Variants in CABLES1 observed in about 807,000 individuals in gnomAD.
The protein encoded by CABLES1 is Cdk5 and Abl enzyme substrate 1.
Under a neutral mutation model 57.8 loss-of-function variants are expected in CABLES1, and 36 were observed. The observed-to-expected ratio is 0.62, with a 90% CI of 0.48 to 0.82. The LOEUF is 0.82. CABLES1 is among the 40% of genes least tolerant of loss of function. The pLI is 0.00. For missense variants in CABLES1, 767 were observed against 836.6 expected, an observed-to-expected ratio of 0.92 and a Z score of 1.03; for synonymous variants, 374 against 363.0, an observed-to-expected ratio of 1.03 and a Z score of -0.35.
intron 4 of CABLES1, among the ~76,000 whole-genome samples, chr18:23,231,533 C>T (rs1598842881): frequency 6.6e-6 from 1 of 152,100 alleles, no homozygotes; most frequent in African/African-American, 2.4e-5. Flanking sequence ...AGTAGAATGA[C>T]GTAAGTAGAA....
In CABLES1 at chr18:23,259,198, C is replaced by G. The variant is rs1032318412; in HGVS notation, c.*1831C>G. On this transcript the variant is annotated 3_prime_UTR_variant, in exon 10 of 10. Transcript: ENST00000256925. ...TCACCTTGCATCTCTGATAAGCCAT[C>G]CACCTTCCTGGTCAGTGCCTACAGG... The G allele has an allele frequency of 9.2e-5, 14 of 152,254 alleles. No individual in the cohort carries two copies. The highest frequency in any genetic ancestry group is 3.4e-4 in the African/African-American group (14 of 41,454). 9.4% of individuals were successfully genotyped at this position (152,254 alleles called of 1,614,324 possible).
chr18:23,144,105 G>T (rs988655197), intron 1 of CABLES1, among the ~76,000 whole-genome samples: 1 of 152,222 alleles, frequency 6.6e-6, no homozygotes, highest in Non-Finnish European at 1.5e-5. Context: ...AGCTCCGTCA[G>T]CCACAGAGCC....
intron 3 of CABLES1, among the ~76,000 whole-genome samples, chr18:23,199,521 G>A (rs1041881926): frequency 6.6e-6 from 1 of 152,148 alleles, no homozygotes; most frequent in Admixed American, 6.5e-5. Flanking sequence ...GCCATGAAAA[G>A]GAATCAGTAC....
At position 23,234,702 on chromosome 18, in the gene CABLES1, A is replaced by C; in HGVS notation, c.1183A>C (p.Lys395Gln). Residue 395 changes from lysine (K) to glutamine (Q), a missense_variant and splice_region_variant, in exon 5 of 10, where the codon AAG (lysine) becomes CAG (glutamine). Lys to Gln is a moderately conservative substitution (Grantham distance 53). This residue lies in a region of CABLES1 where 529 missense variants were observed against 622.8 expected (regional missense o/e 0.85). Transcript: ENST00000256925. Reference sequence around the variant, plus strand: ...AGGTGTGGAGCTGGGTGCTGATGGGAAGGTAAGGCTGCCAGGCTGCCAGTC... The same window carrying C: ...AGGTGTGGAGCTGGGTGCTGATGGGCAGGTAAGGCTGCCAGGCTGCCAGTC... ...LEGVELGADG[K>Q]TVSYTQFLLP... 1 of 1,612,642 alleles carries C rather than the reference A, an allele frequency of 6.2e-7. No homozygotes were observed. The highest frequency in any genetic ancestry group is 1.1e-5 in the South Asian group (1 of 90,976).
chr18:23,195,137 T>G (rs557352979), intron 3 of CABLES1, among the ~76,000 whole-genome samples: 8 of 152,286 alleles, frequency 5.3e-5, no homozygotes, highest in Admixed American at 5.2e-4. Context: ...TATATGACCG[T>G]GATATTAAAA....
Position 23,135,955 on chromosome 18 carries a change from G to T in CABLES1, c.193G>T (p.Ala65Ser). The stretch of plus-strand genomic sequence containing the variant: ...CATGGACCCGCGGCGCCGCCAGGCT[G>T]CCCTCTCCTTCCTCACCAACATCTC... ...PRMDPRRRQAALSFLTNISLD... is the reference protein window; with the variant it reads ...PRMDPRRRQASLSFLTNISLD... The change falls in exon 1 of 10, where the codon GCC (alanine) becomes TCC (serine). Residue 65 changes from alanine to serine, a missense_variant. Transcript: ENST00000256925. The T allele has an allele frequency of 8.8e-7, 1 of 1,137,448 alleles. No homozygotes were observed. The allele number at this position is 1,137,448 out of a possible 1,614,324, so 70.5% of individuals were successfully genotyped here.
At chr18:23,165,310 C>T (rs1333308474) in intron 1 of CABLES1, among the ~76,000 whole-genome samples, 1 of 152,110 alleles carries the variant, frequency 6.6e-6, no homozygotes, top group African/African-American at 2.4e-5. Context: ...GTTGCTTAGG[C>T]TGGTCTCAAG....
At chr18:23,188,934 T>C (rs778791300) in intron 2 of CABLES1, 25 bp downstream of exon 2, 1 of 1,506,896 alleles carries the variant, frequency 6.6e-7, no homozygotes, top group Non-Finnish European at 9.2e-7. Flanking sequence ...CATTTATGTA[T>C]ATGTAAACAG....
At chr18:23,139,736 GCTA>G (rs1213879837) in intron 1 of CABLES1, among the ~76,000 whole-genome samples, 6 of 152,188 alleles carry the variant, frequency 3.9e-5, no homozygotes, top group Admixed American at 6.5e-5. Context: ...ATTTCTCCCA[GCTA>G]CTGAGAGGCA....
At chr18:23,241,392 A>G (rs1451183273) in intron 7 of CABLES1, among the ~76,000 whole-genome samples, 1 of 152,130 alleles carries the variant, frequency 6.6e-6, no homozygotes, top group East Asian at 1.9e-4. Flanking sequence ...TTAGCTGGGC[A>G]TAGTGGCAGG....
rs200668681 is a variant in CABLES1 at position 23,257,404 on chromosome 18, C to T, written c.*37C>T. On this transcript the variant is annotated 3_prime_UTR_variant, in exon 10 of 10. Transcript: ENST00000256925. Reference sequence around the variant, plus strand: ...AGGACAGCCAAGGGCCATTTCTTCTCAGCTTGGTGGAGCAGCACTTACTTA... The same window carrying T: ...AGGACAGCCAAGGGCCATTTCTTCTTAGCTTGGTGGAGCAGCACTTACTTA... 20 of 1,551,856 alleles carry T rather than the reference C, an allele frequency of 1.3e-5. No homozygotes were observed. Among genetic ancestry groups the T allele is most frequent in the East Asian group, 2.3e-5 (1 of 42,984 alleles).
intron 1 of CABLES1, among the ~76,000 whole-genome samples, chr18:23,142,975 A>G (rs1291365395): frequency 1.3e-5 from 2 of 152,284 alleles, no homozygotes; most frequent in South Asian, 2.1e-4. Context: ...CTTCACCTCC[A>G]TTTGGAAGCA....
intron 1 of CABLES1, among the ~76,000 whole-genome samples, chr18:23,184,025 G>A (rs1033209258): frequency 5.3e-5 from 8 of 152,130 alleles, no homozygotes; most frequent in African/African-American, 1.9e-4. Flanking sequence ...AGTTCACAGG[G>A]CAACCCTTGA....
At chr18:23,190,911 A>G (rs117733966) in intron 2 of CABLES1, among the ~76,000 whole-genome samples, 1 of 151,912 alleles carries the variant, frequency 6.6e-6, no homozygotes, top group Non-Finnish European at 1.5e-5. Flanking sequence ...CCCCATGTCT[A>G]CAATCAATCA....
chr18:23,162,602 C>T (rs963191599), intron 1 of CABLES1, among the ~76,000 whole-genome samples: 5 of 152,016 alleles, frequency 3.3e-5, no homozygotes, highest in South Asian at 2.1e-4. Flanking sequence ...GGTTAAGTGC[C>T]GTGGAAGAAA....
intron 4 of CABLES1, chr18:23,219,271 G>C (rs193295461): frequency 1.1e-5 from 5 of 454,154 alleles, no homozygotes; most frequent in Admixed American, 2.3e-5. Flanking sequence ...TAGGAGACGG[G>C]AATAAGCTAG....
intron 3 of CABLES1, among the ~76,000 whole-genome samples, chr18:23,207,228 G>A (rs1389551212): frequency 2.0e-5 from 3 of 152,208 alleles, no homozygotes; most frequent in Admixed American, 6.5e-5. Context: ...GGTTGGTGGC[G>A]AACAGCCTGC....
At chr18:23,219,920 T>A (rs527579354) in intron 4 of CABLES1, among the ~76,000 whole-genome samples, 95 of 152,326 alleles carry the variant, frequency 6.2e-4, no homozygotes, top group African/African-American at 1.8e-3. Flanking sequence ...TGAGATTTTT[T>A]AAAAATGGGC....
In CABLES1 at chr18:23,238,953, A is replaced by G. The variant is rs146874408; in HGVS notation, c.1446+1708A>G. 1.5e-3 allele frequency among the ~76,000 whole-genome samples: 231 copies of G among 152,286 alleles called. 1 individual carries two copies. Among genetic ancestry groups the G allele is most frequent in the African/African-American group, 5.4e-3 (223 of 41,546 alleles). ...TAGCAGATTTCTAGGTAACCAAGAG[A>G]ATAGGAAGGTACACTATTTCGATGT... is the stretch of plus-strand genomic sequence containing the variant. On this transcript the variant is annotated intron_variant, in intron 7 of 9. Coordinates refer to ENST00000256925, the MANE Select transcript of CABLES1 (RefSeq NM_001100619.3).
Sources: allele counts gnomAD v4.1 joint callset (sites outside exome capture counted in the v4.1 genomes callset), GRCh38; gene constraint gnomAD v4.1.1; regional missense constraint gnomAD v4.1.1; transcripts MANE v1.5; gene names NCBI Gene and HGNC (gene_info 2026-07-23, HGNC 2026-07-21).